The following AGPAT4 variants were observed in gnomAD, a reference collection of about 807,000 sequenced individuals.
AGPAT4 encodes the protein 1-acylglycerol-3-phosphate O-acyltransferase 4.
In AGPAT4, 15 loss-of-function variants were observed where a neutral mutation model predicts 48.0. The observed-to-expected ratio is 0.31, with a 90% CI of 0.21 to 0.48. The LOEUF (loss-of-function observed/expected upper bound fraction) is 0.48. AGPAT4 is among the 20% of genes least tolerant of loss of function. The probability of loss-of-function intolerance (pLI) is 0.99; values close to 1 mark genes in which losing one functional copy is unlikely to be tolerated. For synonymous variants in AGPAT4, 178 were observed against 198.7 expected, an observed-to-expected ratio of 0.90 and a Z score of 0.88; for missense variants, 314 against 482.5, an observed-to-expected ratio of 0.65 and a Z score of 3.27.
rs933801131 is a variant in AGPAT4 at position 161,254,705 on chromosome 6, G to C, written c.-90+19233C>G. ...GTTAGCAAATCCTTAGATTTACTGA[G>C]GCTACTTACAACTTCTTCTGTTAAT... On this transcript the variant is annotated intron_variant, in intron 1 of 8. Coordinates refer to ENST00000320285, the MANE Select transcript of AGPAT4 (RefSeq NM_020133.3). This position sits in a 1 kb window ranked among gnomAD's most constrained non-coding sequence, Gnocchi z 5.9. Among the ~76,000 whole-genome samples the C allele has an allele frequency of 1.3e-5, 2 of 152,154 alleles. No homozygotes were observed. Among genetic ancestry groups the C allele is most frequent in the South Asian group, 4.2e-4 (2 of 4,818 alleles).
rs182174386 is a variant in AGPAT4 at position 161,246,847 on chromosome 6, T to C, written c.-89-14545A>G. On this transcript the variant is annotated intron_variant, in intron 1 of 8. Coordinates refer to ENST00000320285, the MANE Select transcript of AGPAT4 (RefSeq NM_020133.3). The surrounding 1 kb of genome is among the most constrained non-coding windows in gnomAD (Gnocchi z 5.5). The stretch of plus-strand genomic sequence containing the variant: ...ATCTGAGTCTCTAGATGACCTAACA[T>C]AATTTAATTTTCATAGTGGTAACAC... Among the ~76,000 whole-genome samples, 1 of 152,324 alleles carries C rather than the reference T, an allele frequency of 6.6e-6. No homozygotes were observed. Among genetic ancestry groups the C allele is most frequent in the East Asian group, 1.9e-4 (1 of 5,182 alleles).
In AGPAT4 at chr6:161,232,214, G is replaced by C. The variant is rs80142589; in HGVS notation, c.-1C>G. The C allele has an allele frequency of 1.2e-6, 2 of 1,613,630 alleles. No homozygotes were observed. The highest frequency in any genetic ancestry group is 1.7e-6 in the Non-Finnish European group (2 of 1,179,872). ...ACTTCAGCAGTCCCGCGAGGTCCAT[G>C]ATGCGTGGACGCTCTTATTCAGAAA... On this transcript the variant is annotated 5_prime_UTR_variant, in exon 2 of 9. In the 5' UTR this introduces an upstream ATG that the reference lacks. Transcript: ENST00000320285. This position sits in a 1 kb window ranked among gnomAD's most constrained non-coding sequence, Gnocchi z 6.8.
Position 161,177,760 on chromosome 6 carries a change from G to A in AGPAT4, c.179-11343C>T, listed in dbSNP as rs1473981802. Among the ~76,000 whole-genome samples, 2 of 152,126 alleles carry A rather than the reference G, an allele frequency of 1.3e-5. No homozygotes were observed. Among genetic ancestry groups the A allele is most frequent in the Non-Finnish European group, 2.9e-5 (2 of 68,026 alleles). On this transcript the variant is annotated intron_variant, in intron 2 of 8. Transcript: ENST00000320285. This position sits in a 1 kb window ranked among gnomAD's most constrained non-coding sequence, Gnocchi z 5.0. Reference sequence around the variant, plus strand: ...TTAGAATTTTCAGCTTTTCTGCTCTGGTTTCTCCCCATCTTTGTGGTTTTA... The same window carrying A: ...TTAGAATTTTCAGCTTTTCTGCTCTAGTTTCTCCCCATCTTTGTGGTTTTA...
At chr6:161,203,125 T>A (rs530448618) in intron 2 of AGPAT4, among the ~76,000 whole-genome samples, 2 of 152,310 alleles carry the variant, frequency 1.3e-5, no homozygotes, top group South Asian at 4.1e-4. Flanking sequence ...CTGTAATTCA[T>A]GGGGTCATTT....
rs189523163 is a variant in AGPAT4 at position 161,178,437 on chromosome 6, C to G, written c.179-12020G>C. On this transcript the variant is annotated intron_variant, in intron 2 of 8. Coordinates refer to ENST00000320285, the MANE Select transcript of AGPAT4 (RefSeq NM_020133.3). The surrounding 1 kb of genome is among the most constrained non-coding windows in gnomAD (Gnocchi z 5.1). Reference sequence around the variant, plus strand: ...GGCGTCGGACCCTCTGAGCCAGACACGGGATATAATCTCCTGGTGTGCCAT... The same window carrying G: ...GGCGTCGGACCCTCTGAGCCAGACAGGGGATATAATCTCCTGGTGTGCCAT... Among the ~76,000 whole-genome samples the G allele has an allele frequency of 1.3e-5, 2 of 152,198 alleles. No homozygotes were observed. The highest frequency in any genetic ancestry group is 2.9e-5 in the Non-Finnish European group (2 of 68,036).
At chr6:161,257,146 A>G (rs1183170957) in intron 1 of AGPAT4, among the ~76,000 whole-genome samples, 1 of 152,242 alleles carries the variant, frequency 6.6e-6, no homozygotes, top group Non-Finnish European at 1.5e-5. Flanking sequence ...TAAAAGTAGT[A>G]AACTTAAAAT....
Position 161,159,359 on chromosome 6 carries a change from T to A in AGPAT4, c.349-5049A>T, listed in dbSNP as rs1779855831. Among the ~76,000 whole-genome samples, 1 of 152,138 alleles carries A rather than the reference T, an allele frequency of 6.6e-6. No homozygotes were observed. Among genetic ancestry groups the A allele is most frequent in the South Asian group, 2.1e-4 (1 of 4,820 alleles). On this transcript the variant is annotated intron_variant, in intron 3 of 8. Coordinates refer to ENST00000320285, the MANE Select transcript of AGPAT4 (RefSeq NM_020133.3). This position sits in a 1 kb window ranked among gnomAD's most constrained non-coding sequence, Gnocchi z 4.1. ...GCAGGTGCCGAGAACTCAATGCTGG[T>A]TATGATTACCTGTGGCCTTGAGGTG... is the stretch of plus-strand genomic sequence containing the variant.
At position 161,143,287 on chromosome 6, in the gene AGPAT4, C is replaced by G. The variant is rs889782239; in HGVS notation, c.843+3237G>C. On this transcript the variant is annotated intron_variant, in intron 7 of 8. Coordinates refer to ENST00000320285, the MANE Select transcript of AGPAT4 (RefSeq NM_020133.3). This position sits in a 1 kb window ranked among gnomAD's most constrained non-coding sequence, Gnocchi z 4.7. Reference sequence around the variant, plus strand: ...ACGGGTTCCCATTATGTTGCCCAGACTGGTCTCAAACCCCTGGCCTCAAGT... The same window carrying G: ...ACGGGTTCCCATTATGTTGCCCAGAGTGGTCTCAAACCCCTGGCCTCAAGT... Among the ~76,000 whole-genome samples the G allele has an allele frequency of 6.6e-6, 1 of 152,190 alleles. No homozygotes were observed. The highest frequency in any genetic ancestry group is 2.4e-5 in the African/African-American group (1 of 41,460).
Position 161,169,484 on chromosome 6 carries a change from T to G in AGPAT4, c.179-3067A>C, listed in dbSNP as rs1285460630. ...TTTTTGTTTTTTCCTTTCTTTTTTT[T>G]GAGATGGTGTGTCACTCTGTCATCC... On this transcript the variant is annotated intron_variant, in intron 2 of 8. Transcript: ENST00000320285. The surrounding 1 kb of genome is among the most constrained non-coding windows in gnomAD (Gnocchi z 5.0). 6.6e-6 allele frequency among the ~76,000 whole-genome samples: 1 copy of G among 152,116 alleles called. No individual in the cohort carries two copies. The highest frequency in any genetic ancestry group is 2.4e-5 in the African/African-American group (1 of 41,416).
intron 2 of AGPAT4, among the ~76,000 whole-genome samples, chr6:161,172,793 T>G (rs1461976768): frequency 6.9e-6 from 1 of 145,606 alleles, no homozygotes; most frequent in Admixed American, 6.9e-5. Flanking sequence ...TCCATCCCCC[T>G]TCCCCCCACC....
In AGPAT4 at chr6:161,165,551, T is replaced by G; in HGVS notation, c.348+697A>C. 1 of 1,277,684 alleles carries G rather than the reference T, an allele frequency of 7.8e-7. No homozygotes were observed. Among genetic ancestry groups the G allele is most frequent in the Non-Finnish European group, 1.0e-6 (1 of 978,044 alleles). The allele number at this position is 1,277,684 out of a possible 1,614,324, so 79.1% of individuals were successfully genotyped here. ...CCTAGCCCCAGACCAATGTACACTG[T>G]GTACACTGTGATTCCTACGGAATAC... is the stretch of plus-strand genomic sequence containing the variant. On this transcript the variant is annotated intron_variant, in intron 3 of 8. Coordinates refer to ENST00000320285, the MANE Select transcript of AGPAT4 (RefSeq NM_020133.3). This position sits in a 1 kb window ranked among gnomAD's most constrained non-coding sequence, Gnocchi z 5.5.
At position 161,142,597 on chromosome 6, in the gene AGPAT4, C is replaced by T. The variant is rs1458040395; in HGVS notation, c.844-2977G>A. On this transcript the variant is annotated intron_variant, in intron 7 of 8. Coordinates refer to ENST00000320285, the MANE Select transcript of AGPAT4 (RefSeq NM_020133.3). This position sits in a 1 kb window ranked among gnomAD's most constrained non-coding sequence, Gnocchi z 6.4. ...CTAGGGAGGAAGCGTGCGAAGGAGA[C>T]GTCCACACAGCACGTCCGCTCAGCT... is the stretch of plus-strand genomic sequence containing the variant. 2.6e-5 allele frequency among the ~76,000 whole-genome samples: 4 copies of T among 152,144 alleles called. No homozygotes were observed. The highest frequency in any genetic ancestry group is 1.9e-4 in the East Asian group (1 of 5,180).
chr6:161,260,655 C>CAAAAAAAAA (rs377444402), intron 1 of AGPAT4, among the ~76,000 whole-genome samples: 3 of 45,674 alleles, frequency 6.6e-5, no homozygotes, highest in East Asian at 8.8e-4. Flanking sequence ...GACTACGTCT[C>CAAAAAAAAA]AAAAAAAAAA....
At chr6:161,163,948 C>T (rs1470104423) in intron 3 of AGPAT4, among the ~76,000 whole-genome samples, 1 of 152,172 alleles carries the variant, frequency 6.6e-6, no homozygotes, top group African/African-American at 2.4e-5. Context: ...GGGCGCAGAC[C>T]CCCTTACACA....
At chr6:161,265,071 G>GT (rs1299984639) in intron 1 of AGPAT4, among the ~76,000 whole-genome samples, 4 of 152,206 alleles carry the variant, frequency 2.6e-5, no homozygotes. Flanking sequence ...GTGAGACCTG[G>GT]TTGGTGGACT....
rs549021655 is a variant in AGPAT4, at chr6:161,164,223, T to C, written c.348+2025A>G. On this transcript the variant is annotated intron_variant, in intron 3 of 8. Coordinates refer to ENST00000320285, the MANE Select transcript of AGPAT4 (RefSeq NM_020133.3). The surrounding 1 kb of genome is among the most constrained non-coding windows in gnomAD (Gnocchi z 7.4). ...TGTCTCTTCCCGTCTGGGGGCTATG[T>C]CCTCTCTCTGGACCTGGGTCCCTCC... Among the ~76,000 whole-genome samples, 3 of 152,310 alleles carry C rather than the reference T, an allele frequency of 2.0e-5. No individual in the cohort carries two copies. In the East Asian group the frequency reaches 5.8e-4, roughly 29 times the overall value.
chr6:161,232,818 C>G lies in AGPAT4; in HGVS notation c.-89-516G>C, dbSNP rs1782158616. 6.6e-6 allele frequency among the ~76,000 whole-genome samples: 1 copy of G among 152,200 alleles called. No individual in the cohort carries two copies. The highest frequency in any genetic ancestry group is 2.1e-4 in the South Asian group (1 of 4,832). On this transcript the variant is annotated intron_variant, in intron 1 of 8. Coordinates refer to ENST00000320285, the MANE Select transcript of AGPAT4 (RefSeq NM_020133.3). The surrounding 1 kb of genome is among the most constrained non-coding windows in gnomAD (Gnocchi z 6.8). ...CAGCAGGACTGCCCTAAAGTCAAGC[C>G]TGCCCTGGACAAGGACGAGGACATA...
Position 161,243,782 on chromosome 6 carries a change from C to G in AGPAT4, c.-89-11480G>C, listed in dbSNP as rs995570160. On this transcript the variant is annotated intron_variant, in intron 1 of 8. Transcript: ENST00000320285. This position sits in a 1 kb window ranked among gnomAD's most constrained non-coding sequence, Gnocchi z 4.8. Reference sequence around the variant, plus strand: ...TCTTACTCACTTCTCCACTGTGGCTCTCATTATCTGTTTGTTTATTTCAAT... The same window carrying G: ...TCTTACTCACTTCTCCACTGTGGCTGTCATTATCTGTTTGTTTATTTCAAT... 2.0e-5 allele frequency among the ~76,000 whole-genome samples: 3 copies of G among 152,182 alleles called. No homozygotes were observed. The highest frequency in any genetic ancestry group is 7.2e-5 in the African/African-American group (3 of 41,452).
chr6:161,197,187 G>A lies in AGPAT4; in HGVS notation c.179-30770C>T, dbSNP rs546987938. On this transcript the variant is annotated intron_variant, in intron 2 of 8. Transcript: ENST00000320285. The surrounding 1 kb of genome is among the most constrained non-coding windows in gnomAD (Gnocchi z 5.7). ...TTGGAAAAAAATGAGATAAACCAATGCTTTTCCCTTTGGCCTTCTCCGAAC... is the reference window on the plus strand; with the variant it reads ...TTGGAAAAAAATGAGATAAACCAATACTTTTCCCTTTGGCCTTCTCCGAAC... Among the ~76,000 whole-genome samples, 1 of 152,252 alleles carries A rather than the reference G, an allele frequency of 6.6e-6. No individual in the cohort carries two copies. Among genetic ancestry groups the A allele is most frequent in the South Asian group, 2.1e-4 (1 of 4,820 alleles).
Sources: allele counts gnomAD v4.1 joint callset (sites outside exome capture counted in the v4.1 genomes callset), GRCh38; gene constraint gnomAD v4.1.1; non-coding constraint Gnocchi (gnomAD v3.1); transcripts MANE v1.5; gene names NCBI Gene and HGNC (gene_info 2026-07-23, HGNC 2026-07-21).